AKR1B10: variants seen among roughly 807,000 people sequenced by gnomAD.
AKR1B10 encodes the protein aldo-keto reductase family 1 member B10, also known as ARP.
In AKR1B10, 39 loss-of-function variants were observed where a neutral mutation model predicts 38.9. That is an observed-to-expected ratio of 1.00 (90% confidence interval 0.78 to 1.31). The LOEUF (loss-of-function observed/expected upper bound fraction) is 1.31. Among genes scored for constraint, AKR1B10 ranks in the 50% most tolerant of loss-of-function variants. AKR1B10 has a pLI of 0.00. For missense variants in AKR1B10, 361 were observed against 382.6 expected (o/e 0.94, Z 0.47); for synonymous variants, 148 against 141.2 (o/e 1.05, Z -0.34).
At chr7:134,529,682 A>C (rs927987481) in intron 1 of AKR1B10, among the ~76,000 whole-genome samples, 48 of 152,308 alleles carry the variant, frequency 3.2e-4, no homozygotes, top group African/African-American at 1.1e-3. Context: ...TTAAAAGACC[A>C]TTTTGTGAGA....
chr7:134,527,967 G>A lies in AKR1B10; in HGVS notation c.56G>A (p.Gly19Asp). Residue 19 changes from glycine to aspartate, a missense_variant, in exon 1 of 10, where the codon GGC becomes GAC. By Grantham distance (94) the Gly-to-Asp change is moderately conservative. Around this residue, in one of 3 missense-constraint regions of AKR1B10, gnomAD observed 220 missense variants for 216.1 expected, o/e 1.02. Coordinates refer to ENST00000359579, the MANE Select transcript of AKR1B10 (RefSeq NM_020299.5). ...GCCAAGATGCCCATTGTGGGCCTGGGCACTTGGAAGGTAAATATGCAAATC... is the reference window on the plus strand; with the variant it reads ...GCCAAGATGCCCATTGTGGGCCTGGACACTTGGAAGGTAAATATGCAAATC... ...TKAKMPIVGL[G>D]TWKSPLGKVK... The A allele has an allele frequency of 6.2e-7, 1 of 1,613,974 alleles. No homozygotes were observed. Among genetic ancestry groups the A allele is most frequent in the Non-Finnish European group, 8.5e-7 (1 of 1,179,942 alleles).
chr7:134,533,987 A>G (rs1213481146), intron 4 of AKR1B10, among the ~76,000 whole-genome samples: 1 of 152,132 alleles, frequency 6.6e-6, no homozygotes, highest in Non-Finnish European at 1.5e-5. Flanking sequence ...TGTAGTTGCG[A>G]GTTTGTATTG....
At chr7:134,532,858 T>A in intron 3 of AKR1B10, 146 bp from the exon 4 acceptor site, 1 of 620,870 alleles carries the variant, frequency 1.6e-6, no homozygotes. Context: ...TTAATTAAAC[T>A]CACATTCCTA....
intron 4 of AKR1B10, among the ~76,000 whole-genome samples, chr7:134,535,846 G>A (rs1035466121): frequency 1.4e-4 from 22 of 152,230 alleles, no homozygotes; most frequent in Non-Finnish European, 2.1e-4. Flanking sequence ...CAACTTCTGG[G>A]CAGGATCTGG....
At chr7:134,535,473 G>C (rs1807969392) in intron 4 of AKR1B10, 1 of 411,402 alleles carries the variant, frequency 2.4e-6, no homozygotes, top group South Asian at 1.0e-4. Context: ...TGCAGCCAAA[G>C]TTGAGAAGGG....
intron 9 of AKR1B10, among the ~76,000 whole-genome samples, chr7:134,540,717 A>G (rs920384951): frequency 4.6e-4 from 70 of 152,176 alleles, no homozygotes; most frequent in African/African-American, 1.6e-3. Flanking sequence ...CAAGCTGTCA[A>G]TTCTGCTGTT....
chr7:134,535,585 C>CCTTTTTTTTTTTTTTTTTTTTTTTTT (rs1554396831), intron 4 of AKR1B10: 1 of 401,996 alleles, frequency 2.5e-6, no homozygotes, highest in Non-Finnish European at 3.0e-6. Flanking sequence ...TCTTTTCTGT[C>CCTTTTTTTTTTTTTTTTTTTTTTTTT]TTTTTTTTTT....
intron 4 of AKR1B10, among the ~76,000 whole-genome samples, chr7:134,536,259 T>C (rs1238399363): frequency 1.3e-5 from 2 of 152,270 alleles, no homozygotes; most frequent in African/African-American, 4.8e-5. Flanking sequence ...CCTGCTATCA[T>C]TTGGATTCAT....
At chr7:134,535,017 C>G (rs1416472935) in intron 4 of AKR1B10, among the ~76,000 whole-genome samples, 1 of 151,962 alleles carries the variant, frequency 6.6e-6, no homozygotes, top group Non-Finnish European at 1.5e-5. Context: ...GAGAGAGTCT[C>G]TCTCTGTTGC....
intron 1 of AKR1B10, among the ~76,000 whole-genome samples, chr7:134,529,269 T>C (rs1301086876): frequency 6.6e-6 from 1 of 152,184 alleles, no homozygotes; most frequent in Non-Finnish European, 1.5e-5. Flanking sequence ...TTGGTGTATC[T>C]GGAGGAACAG....
intron 9 of AKR1B10, among the ~76,000 whole-genome samples, chr7:134,540,204 C>G (rs1051602142): frequency 6.6e-6 from 1 of 151,118 alleles, no homozygotes; most frequent in Admixed American, 6.6e-5. Context: ...GGTGACAGCG[C>G]GAGACTCTGT....
At chr7:134,531,734 T>C (rs1318128521) in intron 2 of AKR1B10, among the ~76,000 whole-genome samples, 174 bp from the exon 3 acceptor site, 2 of 152,304 alleles carry the variant, frequency 1.3e-5, no homozygotes, top group East Asian at 3.9e-4. Context: ...AGACATGTCA[T>C]TGAGGTGCTG....
chr7:134,534,410 C>T (rs924253985), intron 4 of AKR1B10, among the ~76,000 whole-genome samples: 1 of 152,188 alleles, frequency 6.6e-6, no homozygotes, highest in African/African-American at 2.4e-5. Context: ...GTGTGAGCCA[C>T]CACACCTGGC....
At chr7:134,539,513 G>A (rs1416508956) in intron 9 of AKR1B10, among the ~76,000 whole-genome samples, 3 of 152,110 alleles carry the variant, frequency 2.0e-5, no homozygotes, top group Non-Finnish European at 4.4e-5. Flanking sequence ...TAGTGGGACT[G>A]ATCCTTTATA....
chr7:134,539,173 A>T (rs1808087043), intron 9 of AKR1B10, 156 bp downstream of exon 9: 4 of 748,494 alleles, frequency 5.3e-6, no homozygotes, highest in Non-Finnish European at 8.8e-6. Flanking sequence ...CCTGGGAATC[A>T]CTGTGAGGGA....
chr7:134,530,704 T>C lies in AKR1B10; in HGVS notation c.128T>C (p.Ile43Thr), dbSNP rs1807828348. 2.5e-6 allele frequency: 4 copies of C among 1,613,922 alleles called. No individual in the cohort carries two copies. The highest frequency in any genetic ancestry group is 1.3e-5 in the African/African-American group (1 of 74,892). ...KVAIDAGYRH[I>T]DCAYVYQNEH... ...GCCATTGATGCAGGATATCGGCACATTGACTGTGCCTATGTCTATCAGAAT... is the reference window on the plus strand; with the variant it reads ...GCCATTGATGCAGGATATCGGCACACTGACTGTGCCTATGTCTATCAGAAT... The change falls in exon 2 of 10, where the codon ATT (isoleucine) becomes ACT (threonine). Residue 43 changes from isoleucine (I) to threonine (T), a missense_variant. Ile to Thr is a moderately conservative substitution (Grantham distance 89). This residue lies in a region of AKR1B10 where 220 missense variants were observed against 216.1 expected (regional missense o/e 1.02). Transcript: ENST00000359579.
chr7:134,538,727 C>T (rs1449566398), intron 8 of AKR1B10, among the ~76,000 whole-genome samples: 1 of 152,170 alleles, frequency 6.6e-6, no homozygotes, highest in Non-Finnish European at 1.5e-5. Flanking sequence ...TCTCCCTCCC[C>T]CCAGAACACT....
chr7:134,534,139 T>A (rs1189706553), intron 4 of AKR1B10, among the ~76,000 whole-genome samples: 3 of 152,192 alleles, frequency 2.0e-5, no homozygotes, highest in Non-Finnish European at 4.4e-5. Flanking sequence ...GTTTTTATTG[T>A]CTTAGACACT....
At chr7:134,539,402 A>G (rs1808092072) in intron 9 of AKR1B10, among the ~76,000 whole-genome samples, 1 of 152,314 alleles carries the variant, frequency 6.6e-6, no homozygotes, top group Admixed American at 6.5e-5. Context: ...AGGGAAGAAG[A>G]GACAACAGAA....
Sources: gnomAD v4.1 joint callset for allele counts (sites outside exome capture counted in the v4.1 genomes callset) on GRCh38, gnomAD v4.1.1 for gene constraint, gnomAD v4.1.1 regional missense constraint, MANE v1.5 for transcripts, NCBI Gene and HGNC (gene_info 2026-07-23, HGNC 2026-07-21) for gene names.